BTG3: variants seen among roughly 807,000 people sequenced by gnomAD.
The protein encoded by BTG3 is BTG anti-proliferation factor 3.
Under a neutral mutation model 25.8 loss-of-function variants are expected in BTG3, and 4 were observed. The observed-to-expected ratio is 0.16, with a 90% CI of 0.08 to 0.36. The LOEUF is 0.36. BTG3 is among the 10% of genes least tolerant of loss of function. The probability of loss-of-function intolerance (pLI) is 1.00; values close to 1 mark genes in which losing one functional copy is unlikely to be tolerated. For synonymous variants in BTG3, 107 were observed against 99.9 expected, an observed-to-expected ratio of 1.07 and a Z score of -0.42; for missense variants, 201 against 304.9, an observed-to-expected ratio of 0.66 and a Z score of 2.54.
At chr21:17,608,460 T>A (rs1302146099) in intron 2 of BTG3, among the ~76,000 whole-genome samples, 1 of 151,816 alleles carries the variant, frequency 6.6e-6, no homozygotes, top group Non-Finnish European at 1.5e-5. Flanking sequence ...ATCTAGAAAA[T>A]AGTTACACTG....
chr21:17,594,190 T>A lies in BTG3; in HGVS notation c.662A>T (p.Lys221Ile). 6.2e-7 allele frequency: 1 copy of A among 1,613,312 alleles called. No individual in the cohort carries two copies. The highest frequency in any genetic ancestry group is 8.5e-7 in the Non-Finnish European group (1 of 1,179,430). ...TGTCACTGGAATTGGGCGATATGGT[T>A]TATTTTTTCTTCCCTGATTTGGATA... ...FGYPNQGRKN[K>I]PYRPIPVTWV... The change falls in exon 5 of 5, where the codon AAA becomes ATA. Residue 221 changes from lysine to isoleucine, a missense_variant. Coordinates refer to ENST00000348354, the MANE Select transcript of BTG3 (RefSeq NM_006806.5).
chr21:17,608,825 G>GAAAA, intron 2 of BTG3, 147 bp downstream of exon 2: 4 of 763,728 alleles, frequency 5.2e-6, no homozygotes, highest in Non-Finnish European at 5.8e-6. Context: ...TTTAAAATGA[G>GAAAA]TAAGGAGAAA....
intron 4 of BTG3, among the ~76,000 whole-genome samples, chr21:17,594,602 A>G (rs538575992): frequency 6.6e-6 from 1 of 152,140 alleles, no homozygotes; most frequent in South Asian, 2.1e-4. Context: ...AGACCAAAAC[A>G]TGGAACGAAT....
chr21:17,604,802 T>C, intron 3 of BTG3, 58 bp downstream of exon 3: 1 of 1,569,834 alleles, frequency 6.4e-7, no homozygotes, highest in Non-Finnish European at 8.6e-7. Flanking sequence ...CATGACAGAA[T>C]GTCATAAAAT....
In BTG3 at chr21:17,598,650, A is replaced by T. The variant is rs1415858997; in HGVS notation, c.486T>A (p.Ser162Arg). 6.2e-7 allele frequency: 1 copy of T among 1,614,088 alleles called. No homozygotes were observed. The highest frequency in any genetic ancestry group is 2.2e-5 in the East Asian group (1 of 44,876). ...CAGGACTTGCGGCTGCAGTCACCGA[A>T]CTGGGTTTCACTTCCATTTCCTTAC... The part of the protein sequence containing the change: ...ETSKEMEVKP[S>R]SVTAAASPVY... The change falls in exon 4 of 5, where the codon AGT becomes AGA. Residue 162 changes from serine to arginine, a missense_variant. Ser to Arg is a moderately radical substitution (Grantham distance 110). Around this residue, in one of 2 missense-constraint regions of BTG3, gnomAD observed 131 missense variants for 129.3 expected, o/e 1.01. Coordinates refer to ENST00000348354, the MANE Select transcript of BTG3 (RefSeq NM_006806.5).
At chr21:17,603,722 C>T (rs534314987) in intron 3 of BTG3, among the ~76,000 whole-genome samples, 1 of 152,304 alleles carries the variant, frequency 6.6e-6, no homozygotes, top group Non-Finnish European at 1.5e-5. Context: ...TCATCTTCTT[C>T]CTGCTAGTTA....
chr21:17,597,405 T>C (rs1273706236), intron 4 of BTG3, among the ~76,000 whole-genome samples: 1 of 151,912 alleles, frequency 6.6e-6, no homozygotes, highest in African/African-American at 2.4e-5. Flanking sequence ...ATGCCTCAAA[T>C]ATTTATGGCA....
intron 3 of BTG3, among the ~76,000 whole-genome samples, 192 bp downstream of exon 3, chr21:17,604,668 C>T (rs1001427382): frequency 6.6e-6 from 1 of 152,130 alleles, no homozygotes; most frequent in Non-Finnish European, 1.5e-5. Flanking sequence ...TTTCTTTTTT[C>T]GGCTATAAAG....
Position 17,594,262 on chromosome 21 carries a change from C to T in BTG3, c.590G>A (p.Arg197Gln), listed in dbSNP as rs140021036. Residue 197 changes from arginine to glutamine, a missense_variant, in exon 5 of 5, where the codon CGA becomes CAA. Physicochemically the swap from Arg to Gln is conservative, Grantham distance 43. This residue lies in a region of BTG3 where 131 missense variants were observed against 129.3 expected (regional missense o/e 1.01). Coordinates refer to ENST00000348354, the MANE Select transcript of BTG3 (RefSeq NM_006806.5). Reference sequence around the variant, plus strand: ...ATAGTGATTCTGATGGCCATTCCCTCGATACATTCCTGGCTTTTTTCTGGG... The same window carrying T: ...ATAGTGATTCTGATGGCCATTCCCTTGATACATTCCTGGCTTTTTTCTGGG... ...PLPRKKPGMYRGNGHQNHYPP... is the reference protein window; with the variant it reads ...PLPRKKPGMYQGNGHQNHYPP... The T allele has an allele frequency of 1.2e-5, 19 of 1,613,046 alleles. No individual in the cohort carries two copies. Among genetic ancestry groups the T allele is most frequent in the Non-Finnish European group, 1.5e-5 (18 of 1,179,376 alleles).
chr21:17,601,162 CAAA>C (rs35194409), intron 3 of BTG3, among the ~76,000 whole-genome samples: 2 of 115,674 alleles, frequency 1.7e-5, no homozygotes. Context: ...GACTCCGTCT[CAAA>C]AAAAAAAAAA....
At chr21:17,604,792 C>A in intron 3 of BTG3, 68 bp downstream of exon 3, 1 of 1,541,292 alleles carries the variant, frequency 6.5e-7, no homozygotes, top group South Asian at 1.2e-5. Flanking sequence ...GCAGGCCGTA[C>A]ATGACAGAAT....
Position 17,598,646 on chromosome 21 carries a change from C to G in BTG3, c.490G>C (p.Val164Leu). ...TACACAGGACTTGCGGCTGCAGTCA[C>G]CGAACTGGGTTTCACTTCCATTTCC... ...SKEMEVKPSS[V>L]TAAASPVYQI... The change falls in exon 4 of 5, where the codon GTG (valine) becomes CTG (leucine). Residue 164 changes from valine (V) to leucine (L), a missense_variant. This residue lies in a region of BTG3 where 131 missense variants were observed against 129.3 expected (regional missense o/e 1.01). Transcript: ENST00000348354. 1 of 1,614,052 alleles carries G rather than the reference C, an allele frequency of 6.2e-7. No homozygotes were observed.
intron 3 of BTG3, among the ~76,000 whole-genome samples, chr21:17,599,475 A>ATTTT (rs11447568): frequency 1.5e-4 from 18 of 117,226 alleles, no homozygotes; most frequent in South Asian, 1.1e-3. Flanking sequence ...CCACTGGCTG[A>ATTTT]TTTTTTTTTT....
At position 17,603,556 on chromosome 21, in the gene BTG3, A is replaced by C. The variant is rs2061600389; in HGVS notation, c.311+1304T>G. Among the ~76,000 whole-genome samples the C allele has an allele frequency of 2.6e-5, 4 of 152,212 alleles. No individual in the cohort carries two copies. In the South Asian group the frequency reaches 8.3e-4, roughly 32 times the overall value. ...GCTGGAATCAGGTCAGTCTGCGACC[A>C]CCTTAGGAGTACATAGTTAGGGTTC... On this transcript the variant is annotated intron_variant, in intron 3 of 4. Transcript: ENST00000348354.
intron 1 of BTG3, among the ~76,000 whole-genome samples, chr21:17,609,606 G>A (rs1042698126): frequency 3.9e-5 from 6 of 152,250 alleles, no homozygotes; most frequent in Middle Eastern, 3.4e-3. Context: ...AGAAAAGTTC[G>A]GCAGTTCCTA....
intron 2 of BTG3, 148 bp downstream of exon 2, chr21:17,608,824 A>C: frequency 1.3e-6 from 1 of 751,664 alleles, no homozygotes; most frequent in South Asian, 3.2e-5. Flanking sequence ...TTTTAAAATG[A>C]GTAAGGAGAA....
chr21:17,605,117 G>T, intron 2 of BTG3, 120 bp from the exon 3 acceptor site: 1 of 1,125,224 alleles, frequency 8.9e-7, no homozygotes, highest in Admixed American at 2.7e-5. Flanking sequence ...CCCTGGTAGA[G>T]AACCTAGGAG....
chr21:17,603,308 C>G (rs2061596978), intron 3 of BTG3, among the ~76,000 whole-genome samples: 1 of 152,126 alleles, frequency 6.6e-6, no homozygotes, highest in South Asian at 2.1e-4. Context: ...TGTTTATTTT[C>G]TCAGACCTAA....
intron 3 of BTG3, among the ~76,000 whole-genome samples, chr21:17,602,911 CCT>C (rs1306670673): frequency 1.3e-5 from 2 of 152,238 alleles, no homozygotes; most frequent in East Asian, 1.9e-4. Context: ...AAAACTTTCC[CCT>C]GATGGTTTAG....
Sources: allele counts gnomAD v4.1 joint callset (sites outside exome capture counted in the v4.1 genomes callset), GRCh38; gene constraint gnomAD v4.1.1; regional missense constraint gnomAD v4.1.1; transcripts MANE v1.5; gene names NCBI Gene and HGNC (gene_info 2026-07-23, HGNC 2026-07-21).